The following ZP3 variants were observed in gnomAD, a reference collection of about 807,000 sequenced individuals.
ZP3 encodes zona pellucida sperm-binding protein 3.
ZP3 carries 21 observed loss-of-function variants against 35.6 expected under a neutral mutation model. That is an observed-to-expected ratio of 0.59 (90% CI 0.42 to 0.85). The LOEUF (loss-of-function observed/expected upper bound fraction) is 0.85, where lower values mean the gene tolerates loss of function less well. Among genes scored for constraint, ZP3 ranks in the 40% least tolerant of loss-of-function variants. ZP3 has a pLI of 0.00. For missense variants in ZP3, 437 were observed against 536.5 expected, an observed-to-expected ratio of 0.81 and a Z score of 1.83; for synonymous variants, 207 against 214.5, an observed-to-expected ratio of 0.96 and a Z score of 0.31.
chr7:76,431,475 C>T (rs540377436), intron 2 of ZP3, among the ~76,000 whole-genome samples: 1 of 152,280 alleles, frequency 6.6e-6, no homozygotes, highest in South Asian at 2.1e-4. Flanking sequence ...CTTCTTCCAG[C>T]AGATCCTATG....
chr7:76,397,984 G>T (rs1298233246), intron 1 of ZP3: 2 of 795,038 alleles, frequency 2.5e-6, no homozygotes, highest in Non-Finnish European at 3.8e-6. Flanking sequence ...CAGACTGGGG[G>T]TAGCTTGTGG....
At position 76,440,561 on chromosome 7, in the gene ZP3, C is replaced by T; in HGVS notation, c.1010C>T (p.Pro337Leu). Reference sequence around the variant, plus strand: ...ACTCCAAGCCATTCCAGGAGGCAGCCTCATGTCATGAGCCAGTGGTCCAGG... The same window carrying T: ...ACTCCAAGCCATTCCAGGAGGCAGCTTCATGTCATGAGCCAGTGGTCCAGG... ...CGTPSHSRRQ[P>L]HVMSQWSRSA... The change falls in exon 7 of 8, where the codon CCT becomes CTT. Residue 337 changes from proline to leucine, a missense_variant. By Grantham distance (98) the Pro-to-Leu change is moderately conservative. This residue lies in a region of ZP3 where 41 missense variants were observed against 50.2 expected (regional missense o/e 0.82). Coordinates refer to ENST00000394857, the MANE Select transcript of ZP3 (RefSeq NM_001110354.2). The T allele has an allele frequency of 1.2e-6, 2 of 1,614,200 alleles. No individual in the cohort carries two copies. The highest frequency in any genetic ancestry group is 1.7e-6 in the Non-Finnish European group (2 of 1,180,032).
rs117506835 is a variant in ZP3, at chr7:76,430,398, G to A, written c.431+765G>A. On this transcript the variant is annotated intron_variant, in intron 2 of 7. Transcript: ENST00000394857. ...TCCTGTGCTGGCCTCAGCATGGGGTGCAGGGGACTTTGTCCCTGCCCTTGA... is the reference window on the plus strand; with the variant it reads ...TCCTGTGCTGGCCTCAGCATGGGGTACAGGGGACTTTGTCCCTGCCCTTGA... Among the ~76,000 whole-genome samples, 24 of 152,262 alleles carry A rather than the reference G, an allele frequency of 1.6e-4. No homozygotes were observed. The East Asian group carries it at 2.9e-3, about 18-fold the overall frequency.
In ZP3 at chr7:76,435,074, C is replaced by T. The variant is rs199907306; in HGVS notation, c.831+919C>T. The stretch of plus-strand genomic sequence containing the variant: ...GTGGTTAGAAGTAAATTGCCTGGTG[C>T]GGTGGCTCGTGCCCATAATCCCAGC... On this transcript the variant is annotated intron_variant, in intron 5 of 7. Coordinates refer to ENST00000394857, the MANE Select transcript of ZP3 (RefSeq NM_001110354.2). Among the ~76,000 whole-genome samples, 86 of 152,310 alleles carry T rather than the reference C, an allele frequency of 5.6e-4. No individual in the cohort carries two copies. The East Asian group carries it at 0.016, about 28-fold the overall frequency.
chr7:76,424,725 G>T (rs558810003), upstream of ZP3, among the ~76,000 whole-genome samples: 7 of 152,310 alleles, frequency 4.6e-5, no homozygotes, highest in East Asian at 1.3e-3. Context: ...ACACGTGGGG[G>T]ATTTCCAAGC....
At chr7:76,399,459 C>T (rs1804743208) in intron 1 of ZP3, among the ~76,000 whole-genome samples, 1 of 152,130 alleles carries the variant, frequency 6.6e-6, no homozygotes, top group South Asian at 2.1e-4. Flanking sequence ...TTCTTGAAAA[C>T]TAGAAGCACT....
intron 5 of ZP3, among the ~76,000 whole-genome samples, chr7:76,435,615 ACT>A (rs1277291583): frequency 2.6e-5 from 4 of 152,078 alleles, no homozygotes; most frequent in Non-Finnish European, 5.9e-5. Flanking sequence ...TCATACCTTC[ACT>A]CTATTGGGGT....
intron 2 of ZP3, among the ~76,000 whole-genome samples, chr7:76,431,812 T>C (rs971510330): frequency 6.7e-6 from 1 of 150,054 alleles, no homozygotes; most frequent in African/African-American, 2.5e-5. Flanking sequence ...GGCAGGAGAA[T>C]GGCGTGAACC....
intron 5 of ZP3, among the ~76,000 whole-genome samples, chr7:76,436,030 C>CTTTTTTT (rs60553917): frequency 5.4e-4 from 40 of 74,352 alleles, no homozygotes; most frequent in South Asian, 1.0e-3. Flanking sequence ...CCCCCGCCCC[C>CTTTTTTT]TTTTTTTTTT....
At chr7:76,419,657 C>CTCTT (rs67878441) in intron 1 of ZP3, among the ~76,000 whole-genome samples, 110 of 149,194 alleles carry the variant, frequency 7.4e-4, no homozygotes, top group South Asian at 2.8e-3. Flanking sequence ...CTCTCTCTCT[C>CTCTT]TCTTTCTTTC....
intron 2 of ZP3, among the ~76,000 whole-genome samples, chr7:76,431,910 A>G (rs1805836427): frequency 6.6e-6 from 1 of 152,006 alleles, no homozygotes; most frequent in Admixed American, 6.6e-5. Context: ...AAAAAAAAAA[A>G]AAAAGATGGC....
At chr7:76,429,485 G>A (rs760797542) in intron 1 of ZP3, 30 bp from the exon 2 acceptor site, 56 of 1,606,354 alleles carry the variant, frequency 3.5e-5, no homozygotes, top group South Asian at 2.2e-4. Context: ...GGTGATGGCC[G>A]GCAGCATTAA....
At chr7:76,433,151 T>TTGGTTGGTTC in intron 3 of ZP3, 121 bp downstream of exon 3, 1 of 741,018 alleles carries the variant, frequency 1.3e-6, no homozygotes, top group South Asian at 1.8e-5. Context: ...TTGGTTGGTT[T>TTGGTTGGTTC]TGGTTGGTTT....
chr7:76,402,596 G>A (rs1804867479), intron 1 of ZP3, among the ~76,000 whole-genome samples: 1 of 152,122 alleles, frequency 6.6e-6, no homozygotes, highest in Non-Finnish European at 1.5e-5. Flanking sequence ...TAGAATTACA[G>A]GTGTGAGCCA....
intron 1 of ZP3, among the ~76,000 whole-genome samples, chr7:76,411,728 T>G (rs1398414008): frequency 6.6e-6 from 1 of 152,094 alleles, no homozygotes; most frequent in African/African-American, 2.4e-5. Flanking sequence ...TACTCTGAAA[T>G]ATAGTCTGAC....
chr7:76,418,570 A>AAAAAG (rs1805431852), intron 1 of ZP3, among the ~76,000 whole-genome samples: 3 of 139,892 alleles, frequency 2.1e-5, no homozygotes, highest in Non-Finnish European at 4.7e-5. Context: ...AAAAAAAAAA[A>AAAAAG]AAAAGGCTGG....
intron 1 of ZP3, among the ~76,000 whole-genome samples, chr7:76,413,185 A>G (rs1805290997): frequency 6.8e-6 from 1 of 147,584 alleles, no homozygotes; most frequent in Non-Finnish European, 1.5e-5. Flanking sequence ...CTGGTCTTGA[A>G]CTCCTGACCT....
intron 1 of ZP3, 62 bp from the exon 2 acceptor site, chr7:76,429,453 A>G (rs780930042): frequency 1.7e-5 from 26 of 1,537,124 alleles, no homozygotes; most frequent in South Asian, 1.2e-4. Context: ...GCACTCAGGT[A>G]TGGCTTGGGA....
chr7:76,430,739 A>G (rs1166185154), intron 2 of ZP3, among the ~76,000 whole-genome samples: 2 of 152,192 alleles, frequency 1.3e-5, no homozygotes, highest in Non-Finnish European at 2.9e-5. Flanking sequence ...CATCTCAAAA[A>G]GAAAATGCTA....
Sources: gnomAD v4.1 joint callset for allele counts (sites outside exome capture counted in the v4.1 genomes callset) on GRCh38, gnomAD v4.1.1 for gene constraint, gnomAD v4.1.1 regional missense constraint, MANE v1.5 for transcripts, NCBI Gene and HGNC (gene_info 2026-07-23, HGNC 2026-07-21) for gene names.